Variants in NCOA3 observed in about 807,000 individuals in gnomAD.
NCOA3 encodes the protein nuclear receptor coactivator 3, also known as CBP-interacting protein.
In NCOA3, 51 loss-of-function variants were observed where a neutral mutation model predicts 158.8. The ratio of observed to expected loss-of-function variants is 0.32; its 90% CI spans 0.26 to 0.41. The LOEUF (loss-of-function observed/expected upper bound fraction) is 0.41, where lower values mean the gene tolerates loss of function less well. NCOA3 is among the 10% of genes least tolerant of loss of function. NCOA3 has a pLI of 1.00. For synonymous variants in NCOA3, 537 were observed against 592.4 expected (o/e 0.91, Z 1.36); for missense variants, 1,510 against 1,746.6 (o/e 0.86, Z 2.41).
rs2084982193 is a variant in NCOA3 at position 47,555,099 on chromosome 20, C to A, written c.-98-28084C>A. Among the ~76,000 whole-genome samples, 4 of 152,208 alleles carry A rather than the reference C, an allele frequency of 2.6e-5. No homozygotes were observed. In the South Asian group the frequency reaches 8.3e-4, roughly 32 times the overall value. ...CTTTGACAAAGCTGACAAAAACAAG[C>A]AATGGGGAAAGGATTCCCTATTTAC... is the stretch of plus-strand genomic sequence containing the variant. On this transcript the variant is annotated intron_variant, in intron 1 of 22. Transcript: ENST00000371998.
chr20:47,591,234 T>G (rs1454802153), intron 2 of NCOA3, among the ~76,000 whole-genome samples: 1 of 152,260 alleles, frequency 6.6e-6, no homozygotes, highest in Non-Finnish European at 1.5e-5. Context: ...TTAGGCTTAT[T>G]CTGTAGTCAC....
chr20:47,641,207 A>G (rs1354246918), intron 16 of NCOA3, among the ~76,000 whole-genome samples: 1 of 152,148 alleles, frequency 6.6e-6, no homozygotes, highest in Non-Finnish European at 1.5e-5. Context: ...AACTGAGGCA[A>G]CTTGCTGTGG....
intron 1 of NCOA3, among the ~76,000 whole-genome samples, chr20:47,561,468 A>AT (rs905506761): frequency 9.4e-5 from 14 of 149,152 alleles, no homozygotes; most frequent in Non-Finnish European, 1.5e-4. Flanking sequence ...CACCCAGCTA[A>AT]TTTTTTTTCT....
intron 1 of NCOA3, among the ~76,000 whole-genome samples, chr20:47,580,174 C>T (rs919020245): frequency 1.3e-5 from 2 of 152,130 alleles, no homozygotes; most frequent in African/African-American, 4.8e-5. Flanking sequence ...AGCACTATAA[C>T]ACTGGAGTAT....
At chr20:47,639,435 C>T in intron 14 of NCOA3, 142 bp from the exon 15 acceptor site, 1 of 1,178,708 alleles carries the variant, frequency 8.5e-7, no homozygotes, top group Non-Finnish European at 1.2e-6. Context: ...GCCTATGTCT[C>T]CACAGTTGGC....
intron 1 of NCOA3, among the ~76,000 whole-genome samples, chr20:47,528,720 A>G (rs1313358465): frequency 6.6e-6 from 1 of 152,214 alleles, no homozygotes; most frequent in Non-Finnish European, 1.5e-5. Context: ...ACATTTAGCA[A>G]TTATATTAAA....
intron 2 of NCOA3, among the ~76,000 whole-genome samples, chr20:47,607,097 C>T (rs1167365074): frequency 1.3e-5 from 2 of 152,186 alleles, no homozygotes; most frequent in Non-Finnish European, 2.9e-5. Context: ...AAGATCTGTT[C>T]AGAGTGCAAG....
Position 47,635,637 on chromosome 20 carries a change from C to T in NCOA3, c.1428C>T (p.Asn476=). The T allele has an allele frequency of 1.2e-6, 2 of 1,614,172 alleles. No individual in the cohort carries two copies. Among genetic ancestry groups the T allele is most frequent in the Non-Finnish European group, 1.7e-6 (2 of 1,180,024 alleles). ...ATGGGAGTCCTGGTCTTGCCCCAAACCAGCAGAATATCATGATTTCTCCTC... is the reference window on the plus strand; with the variant it reads ...ATGGGAGTCCTGGTCTTGCCCCAAATCAGCAGAATATCATGATTTCTCCTC... ...PPHGSPGLAP[N]QQNIMISPRN... The change falls in exon 11 of 23, where the codon AAC becomes AAT. Residue 476 remains asparagine (N), a synonymous_variant. Transcript: ENST00000371998.
At chr20:47,563,906 AAAG>A in intron 1 of NCOA3, among the ~76,000 whole-genome samples, 1 of 139,154 alleles carries the variant, frequency 7.2e-6, no homozygotes, top group African/African-American at 2.7e-5. Flanking sequence ...AAAAAAAAAG[AAAG>A]AAAAAAGAAA....
chr20:47,642,722 C>T (rs1396135589), intron 17 of NCOA3, among the ~76,000 whole-genome samples: 1 of 152,100 alleles, frequency 6.6e-6, no homozygotes, highest in Non-Finnish European at 1.5e-5. Flanking sequence ...CTATCTTTCT[C>T]TACTACTTAG....
At chr20:47,532,636 T>TA (rs1055502326) in intron 1 of NCOA3, among the ~76,000 whole-genome samples, 3 of 151,958 alleles carry the variant, frequency 2.0e-5, no homozygotes, top group Admixed American at 6.6e-5. Flanking sequence ...TGCAGCTAAT[T>TA]AAAAAAATTT....
chr20:47,572,568 A>C (rs754194665), intron 1 of NCOA3, among the ~76,000 whole-genome samples: 1 of 149,238 alleles, frequency 6.7e-6, no homozygotes, highest in African/African-American at 2.5e-5. Context: ...AGACAGTCTC[A>C]CTCTGTTGCC....
chr20:47,510,279 A>G (rs1335913894), intron 1 of NCOA3, among the ~76,000 whole-genome samples: 1 of 151,774 alleles, frequency 6.6e-6, no homozygotes, highest in Non-Finnish European at 1.5e-5. Context: ...AAAAATATAA[A>G]AAAATTAGCT....
intron 3 of NCOA3, among the ~76,000 whole-genome samples, 194 bp from the exon 4 acceptor site, chr20:47,623,717 G>A (rs1415425953): frequency 6.6e-6 from 1 of 152,090 alleles, no homozygotes; most frequent in Non-Finnish European, 1.5e-5. Context: ...GAATCCTGGA[G>A]GTGGAGGTTG....
At chr20:47,600,650 G>T (rs1298028896) in intron 2 of NCOA3, among the ~76,000 whole-genome samples, 4 of 151,568 alleles carry the variant, frequency 2.6e-5, no homozygotes, top group Admixed American at 2.0e-4. Context: ...AAGTAGCTGG[G>T]ACTACAGGCG....
chr20:47,573,991 C>A (rs1485871115), intron 1 of NCOA3, among the ~76,000 whole-genome samples: 1 of 144,394 alleles, frequency 6.9e-6, no homozygotes, highest in Non-Finnish European at 1.6e-5. Flanking sequence ...TTTGTTTGAA[C>A]TTGAGATCTA....
intron 5 of NCOA3, 140 bp downstream of exon 5, chr20:47,625,621 T>C (rs1245589256): frequency 1.6e-6 from 1 of 636,848 alleles, no homozygotes; most frequent in African/African-American, 1.9e-5. Context: ...TTCAGTATTC[T>C]GAATATGATG....
intron 2 of NCOA3, among the ~76,000 whole-genome samples, chr20:47,618,968 T>C (rs2086191391): frequency 6.6e-6 from 1 of 152,260 alleles, no homozygotes; most frequent in Non-Finnish European, 1.5e-5. Flanking sequence ...ATTGTAACAC[T>C]ATATCAACTG....
chr20:47,630,877 G>GGCATATCT (rs1389031449), intron 8 of NCOA3: 1 of 153,926 alleles, frequency 6.5e-6, no homozygotes, highest in African/African-American at 2.4e-5. Flanking sequence ...ATTGGGATTT[G>GGCATATCT]GCATATCTGT....
Sources: allele counts gnomAD v4.1 joint callset (sites outside exome capture counted in the v4.1 genomes callset), GRCh38; gene constraint gnomAD v4.1.1; transcripts MANE v1.5; gene names NCBI Gene and HGNC (gene_info 2026-07-23, HGNC 2026-07-21).